Variants in ST6GALNAC3 observed in about 807,000 individuals in gnomAD.
ST6GALNAC3 encodes the protein alpha-N-acetylgalactosaminide alpha-2,6-sialyltransferase 3.
A neutral mutation model predicts 32.7 loss-of-function variants in ST6GALNAC3; 25 were observed. The observed-to-expected ratio is 0.76, with a 90% CI of 0.56 to 1.07. The LOEUF is 1.07. Among genes scored for constraint, ST6GALNAC3 ranks in the 50% least tolerant of loss-of-function variants. The probability of loss-of-function intolerance (pLI) is 0.00; values close to 1 mark genes in which losing one functional copy is unlikely to be tolerated. For synonymous variants in ST6GALNAC3, 129 were observed against 133.1 expected, an observed-to-expected ratio of 0.97 and a Z score of 0.21; for missense variants, 355 against 382.4, an observed-to-expected ratio of 0.93 and a Z score of 0.60.
At position 76,128,940 on chromosome 1, in the gene ST6GALNAC3, G is replaced by A. The variant is rs570914127; in HGVS notation, c.18+54056G>A. On this transcript the variant is annotated intron_variant, in intron 1 of 4. Coordinates refer to ENST00000328299, the MANE Select transcript of ST6GALNAC3 (RefSeq NM_152996.4). ...TGATGTACACACAGCAAGATACGTT[G>A]GCAATAGCATGGACTCTGCCCTGGA... is the stretch of plus-strand genomic sequence containing the variant. Among the ~76,000 whole-genome samples, 14 of 152,336 alleles carry A rather than the reference G, an allele frequency of 9.2e-5. No homozygotes were observed. In the East Asian group the frequency reaches 2.7e-3, roughly 29 times the overall value.
intron 3 of ST6GALNAC3, among the ~76,000 whole-genome samples, chr1:76,524,281 T>C (rs1024287621): frequency 6.6e-5 from 10 of 152,180 alleles, no homozygotes; most frequent in African/African-American, 2.4e-4. Flanking sequence ...CAGTAGTAAT[T>C]TGAGAGGGAA....
intron 3 of ST6GALNAC3, among the ~76,000 whole-genome samples, chr1:76,454,981 G>A (rs1657672910): frequency 1.3e-5 from 2 of 151,180 alleles, no homozygotes; most frequent in African/African-American, 2.4e-5. Context: ...TATTACATAG[G>A]AATTTATTCT....
intron 1 of ST6GALNAC3, among the ~76,000 whole-genome samples, chr1:76,261,481 C>A (rs1045356002): frequency 6.6e-6 from 1 of 152,214 alleles, no homozygotes; most frequent in Non-Finnish European, 1.5e-5. Flanking sequence ...GGTGAGAGAG[C>A]CATCCAGTAG....
intron 1 of ST6GALNAC3, among the ~76,000 whole-genome samples, chr1:76,160,816 T>TGGTGAAAG (rs1651758139): frequency 6.6e-6 from 1 of 152,222 alleles, no homozygotes; most frequent in Non-Finnish European, 1.5e-5. Context: ...ACATGTGGAC[T>TGGTGAAAG]TTCACCAGTC....
chr1:76,093,389 GA>G (rs1647076829), intron 1 of ST6GALNAC3, among the ~76,000 whole-genome samples: 1 of 152,286 alleles, frequency 6.6e-6, no homozygotes, highest in African/African-American at 2.4e-5. Flanking sequence ...TAGAAAGATA[GA>G]AGAGGATTTT....
At position 76,580,586 on chromosome 1, in the gene ST6GALNAC3, G is replaced by A. The variant is rs569874835; in HGVS notation, c.624-46866G>A. On this transcript the variant is annotated intron_variant, in intron 3 of 4. Transcript: ENST00000328299. ...TGGTGTTTGGAATTCTAACTTTTTG[G>A]TAGCCCCTTAGCCCCAGGTAGCAAA... Among the ~76,000 whole-genome samples the A allele has an allele frequency of 1.1e-4, 16 of 152,180 alleles. No individual in the cohort carries two copies. The South Asian group carries it at 2.7e-3, about 26-fold the overall frequency.
chr1:76,137,022 A>C (rs1299856001), intron 1 of ST6GALNAC3, among the ~76,000 whole-genome samples: 1 of 152,208 alleles, frequency 6.6e-6, no homozygotes, highest in African/African-American at 2.4e-5. Flanking sequence ...GCCAAAACTC[A>C]GATTGGTTTA....
At chr1:76,438,115 T>A (rs989851325) in intron 3 of ST6GALNAC3, among the ~76,000 whole-genome samples, 2 of 151,572 alleles carry the variant, frequency 1.3e-5, no homozygotes, top group East Asian at 1.9e-4. Context: ...CTACATTTTT[T>A]AAATGAAATG....
rs115923384 is a variant in ST6GALNAC3, at chr1:76,341,111, G to A, written c.213+27112G>A. Among the ~76,000 whole-genome samples, 1,130 of 151,488 alleles carry A rather than the reference G, an allele frequency of 7.5e-3. 11 individuals are homozygous for A. Among genetic ancestry groups the A allele is most frequent in the African/African-American group, 0.026 (1,088 of 41,286 alleles). ...GGTTTATTATATGGATACATTGCGCGATACGGAGATTTGGGCTTCTGATGA... is the reference window on the plus strand; with the variant it reads ...GGTTTATTATATGGATACATTGCGCAATACGGAGATTTGGGCTTCTGATGA... On this transcript the variant is annotated intron_variant, in intron 2 of 4. Coordinates refer to ENST00000328299, the MANE Select transcript of ST6GALNAC3 (RefSeq NM_152996.4).
chr1:76,108,127 C>G (rs1647665467), intron 1 of ST6GALNAC3, among the ~76,000 whole-genome samples: 1 of 152,188 alleles, frequency 6.6e-6, no homozygotes, highest in African/African-American at 2.4e-5. Flanking sequence ...CTGGCACCAC[C>G]AGTCTCTCAC....
intron 2 of ST6GALNAC3, among the ~76,000 whole-genome samples, chr1:76,343,416 T>C (rs1191078072): frequency 6.6e-6 from 1 of 152,144 alleles, no homozygotes; most frequent in African/African-American, 2.4e-5. Flanking sequence ...CTTGGCAAGA[T>C]AGGTAGCTCC....
intron 3 of ST6GALNAC3, among the ~76,000 whole-genome samples, chr1:76,546,636 T>G (rs1664314939): frequency 6.6e-6 from 1 of 152,142 alleles, no homozygotes; most frequent in African/African-American, 2.4e-5. Context: ...GGAAAGAGAA[T>G]CCAAACACAG....
intron 3 of ST6GALNAC3, among the ~76,000 whole-genome samples, chr1:76,449,777 T>G (rs983199282): frequency 1.3e-5 from 2 of 152,378 alleles, no homozygotes; most frequent in Admixed American, 1.3e-4. Context: ...AACGGTCTTT[T>G]GTCAGATTGC....
At position 76,630,286 on chromosome 1, in the gene ST6GALNAC3, T is replaced by C. The variant is rs564290259; in HGVS notation, c.*1480T>C. The C allele has an allele frequency of 1.0e-4, 102 of 985,232 alleles. 3 individuals carry two copies. The South Asian group carries it at 4.3e-3, about 41-fold the overall frequency. The allele number at this position is 985,232 out of a possible 1,614,324, so 61.0% of individuals were successfully genotyped here. A position where few individuals can be genotyped will look rare whatever the true frequency, so the allele number is the denominator to read the frequency against. On this transcript the variant is annotated 3_prime_UTR_variant, in exon 5 of 5. Transcript: ENST00000328299. ...GGTCTTGGCCATATGCTAGGGCCCCTGTGAAAATAAGTAGTTTTGAGAAGT... is the reference window on the plus strand; with the variant it reads ...GGTCTTGGCCATATGCTAGGGCCCCCGTGAAAATAAGTAGTTTTGAGAAGT...
chr1:76,470,674 G>C (rs924380526), intron 3 of ST6GALNAC3, among the ~76,000 whole-genome samples: 1 of 151,982 alleles, frequency 6.6e-6, no homozygotes, highest in African/African-American at 2.4e-5. Context: ...CTTTTCCCCT[G>C]GAGTTTGGAT....
chr1:76,241,961 G>A (rs971090524), intron 1 of ST6GALNAC3, among the ~76,000 whole-genome samples: 1 of 152,170 alleles, frequency 6.6e-6, no homozygotes, highest in Non-Finnish European at 1.5e-5. Context: ...TTCTGAATGT[G>A]AGTCTTGAGT....
chr1:76,536,678 C>T (rs1355699264), intron 3 of ST6GALNAC3, among the ~76,000 whole-genome samples: 1 of 120,458 alleles, frequency 8.3e-6, no homozygotes, highest in Non-Finnish European at 1.8e-5. Flanking sequence ...AAAAAAAAAG[C>T]AGGGGTTGTA....
intron 3 of ST6GALNAC3, among the ~76,000 whole-genome samples, chr1:76,457,081 C>A (rs1301152397): frequency 1.3e-5 from 2 of 151,872 alleles, no homozygotes; most frequent in South Asian, 2.1e-4. Flanking sequence ...AGAGCCAAAT[C>A]ATGAGTGAAC....
At chr1:76,230,992 T>A (rs1015588174) in intron 1 of ST6GALNAC3, among the ~76,000 whole-genome samples, 7 of 152,216 alleles carry the variant, frequency 4.6e-5, no homozygotes, top group Non-Finnish European at 8.8e-5. Flanking sequence ...GTGAGGGAAG[T>A]CTATTTTCCC....
Sources: gnomAD v4.1 joint callset for allele counts (sites outside exome capture counted in the v4.1 genomes callset) on GRCh38, gnomAD v4.1.1 for gene constraint, MANE v1.5 for transcripts, NCBI Gene and HGNC (gene_info 2026-07-23, HGNC 2026-07-21) for gene names.